The following TLK2 variants were observed in gnomAD, a reference collection of about 807,000 sequenced individuals.
TLK2 encodes serine/threonine-protein kinase tousled-like 2.
TLK2 carries 6 observed loss-of-function variants against 117.3 expected under a neutral mutation model. The observed-to-expected ratio is 0.05, with a 90% CI of 0.03 to 0.10. TLK2 has a LOEUF of 0.10. Among genes scored for constraint, TLK2 ranks in the 10% least tolerant of loss-of-function variants. The pLI is 1.00. For synonymous variants in TLK2, 257 were observed against 316.7 expected (o/e 0.81, Z 2.00); for missense variants, 299 against 901.2 (o/e 0.33, Z 8.56).
At chr17:62,573,099 T>C in intron 11 of TLK2, 116 bp from the exon 12 acceptor site, 1 of 1,190,002 alleles carries the variant, frequency 8.4e-7, no homozygotes, top group East Asian at 2.6e-5. Context: ...TCTACTTGAC[T>C]TAAAGGGGCT....
intron 16 of TLK2, among the ~76,000 whole-genome samples, chr17:62,587,911 T>C (rs2081748890): frequency 6.6e-6 from 1 of 151,926 alleles, no homozygotes; most frequent in African/African-American, 2.4e-5. Flanking sequence ...TACATGCTTC[T>C]CTTTAAAAAT....
At chr17:62,574,417 T>C (rs2080589700) in intron 12 of TLK2, 1 of 1,200,182 alleles carries the variant, frequency 8.3e-7, no homozygotes, top group Non-Finnish European at 1.2e-6. Context: ...TTAGGTGAGA[T>C]GAACAGACGA....
intron 17 of TLK2, among the ~76,000 whole-genome samples, chr17:62,599,487 A>T (rs755661055): frequency 3.9e-5 from 6 of 151,988 alleles, no homozygotes; most frequent in Non-Finnish European, 7.4e-5. Flanking sequence ...CCATGTGTCC[A>T]TTGGTGTTCT....
At chr17:62,560,169 T>C (rs2079150709) in intron 10 of TLK2, 43 bp downstream of exon 10, 1 of 1,255,964 alleles carries the variant, frequency 8.0e-7, no homozygotes, top group Non-Finnish European at 1.1e-6. Context: ...CCCAAGATAC[T>C]CAATGTGTGT....
chr17:62,609,304 G>A (rs1207729003), intron 21 of TLK2, among the ~76,000 whole-genome samples: 5 of 152,058 alleles, frequency 3.3e-5, no homozygotes, highest in Admixed American at 2.6e-4. Flanking sequence ...GGCTGATCTC[G>A]AACTCCTAGG....
intron 9 of TLK2, among the ~76,000 whole-genome samples, chr17:62,556,989 G>A (rs768347208): frequency 9.2e-5 from 14 of 152,184 alleles, no homozygotes; most frequent in Admixed American, 2.6e-4. Flanking sequence ...CAGTGGCACC[G>A]TCATGGCTCA....
intron 2 of TLK2, among the ~76,000 whole-genome samples, chr17:62,503,481 G>A (rs7207773): frequency 6.9e-6 from 1 of 144,944 alleles, no homozygotes; most frequent in Non-Finnish European, 1.5e-5. Flanking sequence ...GCTGTTGCAC[G>A]ATCTCAGCCC....
chr17:62,502,654 C>T (rs1792828452), intron 2 of TLK2, among the ~76,000 whole-genome samples: 1 of 152,062 alleles, frequency 6.6e-6, no homozygotes, highest in African/African-American at 2.4e-5. Context: ...TATAAAAAAG[C>T]TACTAGAATT....
At chr17:62,593,605 C>T (rs1039697935) in intron 16 of TLK2, among the ~76,000 whole-genome samples, 10 of 151,978 alleles carry the variant, frequency 6.6e-5, no homozygotes, top group Non-Finnish European at 1.0e-4. Flanking sequence ...AGGGTCAGGA[C>T]CATCAATATC....
At chr17:62,508,080 A>G (rs1454535858) in intron 2 of TLK2, among the ~76,000 whole-genome samples, 1 of 151,802 alleles carries the variant, frequency 6.6e-6, no homozygotes, top group Non-Finnish European at 1.5e-5. Flanking sequence ...TATCAAAATT[A>G]GTTTTGATTT....
intron 2 of TLK2, among the ~76,000 whole-genome samples, chr17:62,499,936 AAGATT>A (rs1329606694): frequency 1.3e-5 from 2 of 152,176 alleles, no homozygotes; most frequent in Non-Finnish European, 2.9e-5. Flanking sequence ...TCTAAAATAA[AAGATT>A]AGAACAAAAT....
intron 2 of TLK2, among the ~76,000 whole-genome samples, chr17:62,493,824 C>T (rs1396227419): frequency 6.6e-6 from 1 of 152,070 alleles, no homozygotes; most frequent in Non-Finnish European, 1.5e-5. Flanking sequence ...ATGGCACAAC[C>T]TTGGCTCACT....
intron 16 of TLK2, 142 bp from the exon 17 acceptor site, chr17:62,596,443 G>T (rs2082486377): frequency 1.6e-6 from 1 of 617,076 alleles, no homozygotes. Context: ...AAAGAGAAAA[G>T]TCAGATGAGG....
intron 2 of TLK2, among the ~76,000 whole-genome samples, chr17:62,482,757 G>C (rs1392950360): frequency 1.3e-5 from 2 of 152,140 alleles, no homozygotes; most frequent in Non-Finnish European, 2.9e-5. Context: ...CAACCAGCTT[G>C]ATAGTTTTTG....
chr17:62,574,286 G>A, intron 12 of TLK2: 1 of 1,531,320 alleles, frequency 6.5e-7, no homozygotes, highest in East Asian at 2.5e-5. Context: ...GATGTTTTGG[G>A]AAGTCTCTTC....
At chr17:62,518,988 G>A (rs535683003) in intron 2 of TLK2, among the ~76,000 whole-genome samples, 1 of 152,274 alleles carries the variant, frequency 6.6e-6, no homozygotes, top group Non-Finnish European at 1.5e-5. Flanking sequence ...GGGCTCAAGC[G>A]ATCTGCCCAC....
At chr17:62,494,249 A>C (rs2073417477) in intron 2 of TLK2, among the ~76,000 whole-genome samples, 1 of 151,972 alleles carries the variant, frequency 6.6e-6, no homozygotes, top group Admixed American at 6.6e-5. Context: ...CGCCTGGCTA[A>C]TTTTTGTATT....
chr17:62,558,095 A>AT lies in TLK2; in HGVS notation c.721-1917dup, dbSNP rs2078993683. Among the ~76,000 whole-genome samples the AT allele has an allele frequency of 2.0e-5, 3 of 151,792 alleles. No individual in the cohort carries two copies. In the South Asian group the frequency reaches 6.2e-4, roughly 32 times the overall value. On this transcript the variant is annotated intron_variant, in intron 9 of 21. Transcript: ENST00000346027. ...TATTCTTTCAGACGTCATTCATTGA[A>AT]TTTTGCCATTTTAATAAGATGTTGG...
At chr17:62,593,569 C>T (rs1379232775) in intron 16 of TLK2, among the ~76,000 whole-genome samples, 2 of 151,902 alleles carry the variant, frequency 1.3e-5, no homozygotes, top group South Asian at 2.1e-4. Flanking sequence ...AACTAAGGCA[C>T]ACAACTCATT....
Sources: gnomAD v4.1 joint callset for allele counts (sites outside exome capture counted in the v4.1 genomes callset) on GRCh38, gnomAD v4.1.1 for gene constraint, MANE v1.5 for transcripts, NCBI Gene and HGNC (gene_info 2026-07-23, HGNC 2026-07-21) for gene names.